The following PTN variants were observed in gnomAD, a reference collection of about 807,000 sequenced individuals.
The protein encoded by PTN is heparin affin regulatory protein.
PTN carries 18 observed loss-of-function variants against 24.1 expected under a neutral mutation model. The ratio of observed to expected loss-of-function variants is 0.75; its 90% CI spans 0.52 to 1.11. PTN has a LOEUF of 1.11. Among genes scored for constraint, PTN ranks in the 50% least tolerant of loss-of-function variants. The pLI is 0.00. For missense variants in PTN, 163 were observed against 198.8 expected (o/e 0.82, Z 1.08); for synonymous variants, 78 against 68.6 (o/e 1.14, Z -0.67).
At chr7:137,322,379 T>C (rs1298569340) in intron 1 of PTN, among the ~76,000 whole-genome samples, 1 of 152,196 alleles carries the variant, frequency 6.6e-6, no homozygotes, top group East Asian at 1.9e-4. Flanking sequence ...GAGTGACATA[T>C]GAGTTCTGGA....
At chr7:137,298,419 T>C (rs1222917671) in intron 1 of PTN, among the ~76,000 whole-genome samples, 1 of 151,776 alleles carries the variant, frequency 6.6e-6, no homozygotes, top group Admixed American at 6.6e-5. Context: ...ATTTATTTTT[T>C]TTCAAATTTT....
At chr7:137,233,825 C>T (rs1808470695) in intron 4 of PTN, among the ~76,000 whole-genome samples, 1 of 151,374 alleles carries the variant, frequency 6.6e-6, no homozygotes, top group African/African-American at 2.4e-5. Flanking sequence ...TTTCATTCTT[C>T]TTAAAAAATA....
intron 4 of PTN, among the ~76,000 whole-genome samples, chr7:137,231,670 T>C (rs2128867336): frequency 1.3e-5 from 2 of 152,054 alleles, no homozygotes; most frequent in Middle Eastern, 6.8e-3. Context: ...AATACTTGAA[T>C]GGGAAATAGT....
At chr7:137,267,455 T>A (rs911714158) in intron 1 of PTN, among the ~76,000 whole-genome samples, 1 of 152,180 alleles carries the variant, frequency 6.6e-6, no homozygotes, top group Admixed American at 6.5e-5. Context: ...CTGGTCTGCG[T>A]GCCTTGGCTT....
intron 4 of PTN, among the ~76,000 whole-genome samples, chr7:137,245,565 C>T (rs1808708540): frequency 6.6e-6 from 1 of 151,844 alleles, no homozygotes; most frequent in African/African-American, 2.4e-5. Context: ...ATTTACTATA[C>T]AATACTTTTA....
intron 1 of PTN, among the ~76,000 whole-genome samples, chr7:137,262,551 G>A (rs1039929354): frequency 6.6e-5 from 10 of 152,070 alleles, no homozygotes; most frequent in East Asian, 1.9e-4. Context: ...CTCAGACACC[G>A]AGATAGTGAA....
intron 1 of PTN, among the ~76,000 whole-genome samples, chr7:137,257,932 T>C (rs1348654816): frequency 6.6e-6 from 1 of 152,126 alleles, no homozygotes; most frequent in Non-Finnish European, 1.5e-5. Context: ...TATGATAACT[T>C]GGCAGAAATA....
At position 137,227,812 on chromosome 7, in the gene PTN, A is replaced by C. The variant is rs1195632399; in HGVS notation, c.*208T>G. 6 of 406,132 alleles carry C rather than the reference A, an allele frequency of 1.5e-5. No homozygotes were observed. Among genetic ancestry groups the C allele is most frequent in the Non-Finnish European group, 2.6e-5 (6 of 234,714 alleles). The allele number at this position is 406,132 out of a possible 1,614,324, so 25.2% of individuals were successfully genotyped here. A position where few individuals can be genotyped will look rare whatever the true frequency, so the allele number is the denominator to read the frequency against. On this transcript the variant is annotated 3_prime_UTR_variant, in exon 5 of 5. Coordinates refer to ENST00000348225, the MANE Select transcript of PTN (RefSeq NM_002825.7). ...ACTATAAGTCAACTTCCTAAATAAG[A>C]TTACAGTCCTTTATTATAAGCCCCT...
chr7:137,283,546 A>G (rs1809505639), intron 1 of PTN, among the ~76,000 whole-genome samples: 1 of 152,228 alleles, frequency 6.6e-6, no homozygotes, highest in African/African-American at 2.4e-5. Flanking sequence ...TTACTTCATT[A>G]GAGACCTAGT....
At chr7:137,276,467 C>G (rs936721438) in intron 1 of PTN, among the ~76,000 whole-genome samples, 1 of 152,140 alleles carries the variant, frequency 6.6e-6, no homozygotes, top group Non-Finnish European at 1.5e-5. Flanking sequence ...ATTCCGGTTA[C>G]CCCTGGATAT....
chr7:137,324,451 T>TATATATATATATATATAA (rs1460014447), intron 1 of PTN, among the ~76,000 whole-genome samples: 1 of 133,352 alleles, frequency 7.5e-6, no homozygotes, highest in Non-Finnish European at 1.5e-5. Context: ...TATATATATA[T>TATATATATATATATATAA]AAATTAACCT....
At chr7:137,249,751 G>A (rs1242858997) in intron 4 of PTN, among the ~76,000 whole-genome samples, 2 of 152,156 alleles carry the variant, frequency 1.3e-5, no homozygotes, top group Non-Finnish European at 2.9e-5. Context: ...AGTACTCACT[G>A]CAGTCACTCC....
intron 1 of PTN, among the ~76,000 whole-genome samples, chr7:137,290,847 T>TA (rs531280268): frequency 0.019 from 2,952 of 151,472 alleles, 38 homozygotes; most frequent in South Asian, 0.027. Context: ...CTCTTCCAAT[T>TA]AAAAAAAAAT....
intron 1 of PTN, among the ~76,000 whole-genome samples, chr7:137,287,211 A>C (rs969898319): frequency 6.6e-6 from 1 of 152,176 alleles, no homozygotes; most frequent in Non-Finnish European, 1.5e-5. Context: ...GTTAGTAAAA[A>C]TGTTTCTGCT....
chr7:137,326,862 G>C (rs759539403), intron 1 of PTN: 1 of 152,146 alleles, frequency 6.6e-6, no homozygotes, highest in Non-Finnish European at 1.5e-5. Context: ...AACAGGGACT[G>C]TGTCATATTC....
intron 1 of PTN, among the ~76,000 whole-genome samples, chr7:137,323,824 A>G (rs1810205176): frequency 6.6e-6 from 1 of 152,120 alleles, no homozygotes; most frequent in Admixed American, 6.6e-5. Context: ...GAGAATTTGC[A>G]TGTCTAACGA....
At chr7:137,268,384 G>A (rs988192007) in intron 1 of PTN, among the ~76,000 whole-genome samples, 5 of 152,104 alleles carry the variant, frequency 3.3e-5, no homozygotes, top group African/African-American at 4.8e-5. Context: ...AGGAGACACC[G>A]AGATAGTGAA....
chr7:137,295,271 G>C (rs1361169374), intron 1 of PTN, among the ~76,000 whole-genome samples: 1 of 152,110 alleles, frequency 6.6e-6, no homozygotes, highest in Non-Finnish European at 1.5e-5. Flanking sequence ...AAGTATAGTA[G>C]ATATTATTCA....
intron 1 of PTN, among the ~76,000 whole-genome samples, chr7:137,318,070 C>A (rs953113770): frequency 6.6e-6 from 1 of 152,112 alleles, no homozygotes. Flanking sequence ...AGTTTGAGAC[C>A]AGCCTGACCA....
Sources: allele counts gnomAD v4.1 joint callset (sites outside exome capture counted in the v4.1 genomes callset), GRCh38; gene constraint gnomAD v4.1.1; transcripts MANE v1.5; gene names NCBI Gene and HGNC (gene_info 2026-07-23, HGNC 2026-07-21).